The following CNTN5 variants were observed in gnomAD, a reference collection of about 807,000 sequenced individuals.
CNTN5 encodes the protein contactin-5.
In CNTN5, 77 loss-of-function variants were observed where a neutral mutation model predicts 129.1. The observed-to-expected ratio is 0.60, with a 90% confidence interval of 0.50 to 0.72. CNTN5 has a LOEUF of 0.72. Ranked by LOEUF, CNTN5 falls within the 30% of genes least tolerant of loss-of-function variation. The pLI, the probability that CNTN5 is intolerant of heterozygous loss-of-function variation, is 0.00. For missense variants in CNTN5, 1,478 were observed against 1,328.8 expected, an observed-to-expected ratio of 1.11 and a Z score of -1.75; for synonymous variants, 509 against 465.6, an observed-to-expected ratio of 1.09 and a Z score of -1.20.
At chr11:99,225,289 C>T (rs936278756) in intron 1 of CNTN5, among the ~76,000 whole-genome samples, 5 of 152,110 alleles carry the variant, frequency 3.3e-5, no homozygotes, top group South Asian at 4.1e-4. Context: ...AGCAACAGGG[C>T]GCTATAGGCC....
intron 1 of CNTN5, among the ~76,000 whole-genome samples, chr11:99,085,710 T>C (rs1379731850): frequency 2.6e-5 from 4 of 152,196 alleles, no homozygotes; most frequent in Non-Finnish European, 4.4e-5. Flanking sequence ...TAATATTTAT[T>C]TTTAAATATT....
At chr11:99,696,130 A>G (rs1954260421) in intron 3 of CNTN5, among the ~76,000 whole-genome samples, 1 of 152,078 alleles carries the variant, frequency 6.6e-6, no homozygotes, top group Non-Finnish European at 1.5e-5. Context: ...AAGAGGGCTG[A>G]CCTGAATCCA....
chr11:99,394,314 G>T (rs1190635619), intron 2 of CNTN5, among the ~76,000 whole-genome samples: 1 of 151,472 alleles, frequency 6.6e-6, no homozygotes, highest in Non-Finnish European at 1.5e-5. Flanking sequence ...AATATAAAAT[G>T]ATTTTATTAT....
chr11:99,811,431 T>G (rs1946424693), intron 3 of CNTN5, among the ~76,000 whole-genome samples: 1 of 149,466 alleles, frequency 6.7e-6, no homozygotes, highest in Admixed American at 6.7e-5. Context: ...CTGCATATTC[T>G]AATCCATTAT....
intron 6 of CNTN5, among the ~76,000 whole-genome samples, chr11:99,909,649 A>G (rs1450576103): frequency 3.9e-5 from 6 of 152,188 alleles, no homozygotes; most frequent in Admixed American, 3.9e-4. Flanking sequence ...GTATGAGTTC[A>G]TGTCCTTTGT....
chr11:99,120,616 T>C (rs546401419), intron 1 of CNTN5: 1 of 152,312 alleles, frequency 6.6e-6, no homozygotes, highest in African/African-American at 2.4e-5. Context: ...ACAAATAAAA[T>C]ATAACACCCC....
chr11:99,434,690 G>C (rs1222232575), intron 2 of CNTN5, among the ~76,000 whole-genome samples: 1 of 152,100 alleles, frequency 6.6e-6, no homozygotes, highest in East Asian at 1.9e-4. Flanking sequence ...TAGCTGAAGA[G>C]ATAAAGTGAT....
In CNTN5 at chr11:99,513,745, A is replaced by T. The variant is rs553466460; in HGVS notation, c.-70-42400A>T. On this transcript the variant is annotated intron_variant, in intron 2 of 24. Coordinates refer to ENST00000524871, the MANE Select transcript of CNTN5 (RefSeq NM_014361.4). ...TTTAATGCTCAGAGAAAAAAAAAAG[A>T]TTCCTTTCAAAATATTACCATTCAC... Among the ~76,000 whole-genome samples, 174 of 149,444 alleles carry T rather than the reference A, an allele frequency of 1.2e-3. 1 individual carries two copies. The highest frequency in any genetic ancestry group is 3.6e-3 in the African/African-American group (145 of 40,570).
At chr11:99,220,431 G>A (rs1860341463) in intron 1 of CNTN5, among the ~76,000 whole-genome samples, 1 of 151,738 alleles carries the variant, frequency 6.6e-6, no homozygotes, top group African/African-American at 2.4e-5. Flanking sequence ...TATGAATTAC[G>A]ATGTAGGAAA....
intron 2 of CNTN5, among the ~76,000 whole-genome samples, chr11:99,438,593 C>A (rs894865290): frequency 6.6e-6 from 1 of 151,918 alleles, no homozygotes; most frequent in Non-Finnish European, 1.5e-5. Context: ...TAATTCATAT[C>A]ATTTATTTAA....
intron 9 of CNTN5, among the ~76,000 whole-genome samples, chr11:100,030,993 G>C (rs1320715323): frequency 6.6e-6 from 1 of 152,088 alleles, no homozygotes; most frequent in Non-Finnish European, 1.5e-5. Flanking sequence ...ATGTCATAGG[G>C]CTGGGTCTAG....
intron 3 of CNTN5, among the ~76,000 whole-genome samples, chr11:99,816,536 C>G (rs994127284): frequency 2.0e-5 from 3 of 152,142 alleles, no homozygotes; most frequent in Non-Finnish European, 4.4e-5. Context: ...CCTGATTTTT[C>G]ACTTTTCTTT....
intron 21 of CNTN5, among the ~76,000 whole-genome samples, chr11:100,324,286 G>A (rs932101387): frequency 6.6e-6 from 1 of 152,132 alleles, no homozygotes; most frequent in Non-Finnish European, 1.5e-5. Context: ...TACAGAAATA[G>A]CATTGATTAG....
At chr11:100,144,393 G>C (rs1464911372) in intron 13 of CNTN5, among the ~76,000 whole-genome samples, 1 of 151,862 alleles carries the variant, frequency 6.6e-6, no homozygotes, top group East Asian at 1.9e-4. Flanking sequence ...ACTTTTTGGA[G>C]TCCCAAGTGC....
chr11:99,195,987 C>T (rs1858882795), intron 1 of CNTN5, among the ~76,000 whole-genome samples: 2 of 151,858 alleles, frequency 1.3e-5, no homozygotes, highest in Non-Finnish European at 2.9e-5. Flanking sequence ...AGAAATTCTG[C>T]ATTACTAATG....
chr11:100,340,632 C>G lies in CNTN5; in HGVS notation c.2900C>G (p.Ala967Gly). ...GYGPPSSEVS[A>G]TTKKSPPSQA... ...GGGCCACCTAGCAGTGAAGTGAGTG[C>G]AACCACCAAGAAATCCCGTAAGTGA... Residue 967 changes from alanine (A) to glycine (G), a missense_variant, in exon 22 of 25, where the codon GCA (alanine) becomes GGA (glycine). Physicochemically the swap from Ala to Gly is moderately conservative, Grantham distance 60. Coordinates refer to ENST00000524871, the MANE Select transcript of CNTN5 (RefSeq NM_014361.4). 6.3e-7 allele frequency: 1 copy of G among 1,598,868 alleles called. No homozygotes were observed. The highest frequency in any genetic ancestry group is 1.1e-5 in the South Asian group (1 of 88,930).
intron 13 of CNTN5, among the ~76,000 whole-genome samples, chr11:100,074,786 C>CATAG (rs1209700639): frequency 6.6e-6 from 1 of 151,968 alleles, no homozygotes; most frequent in African/African-American, 2.4e-5. Flanking sequence ...TTTTTAGTGC[C>CATAG]ATAGGCAAAT....
At chr11:99,609,290 G>A (rs1166948939) in intron 3 of CNTN5, among the ~76,000 whole-genome samples, 2 of 152,130 alleles carry the variant, frequency 1.3e-5, no homozygotes, top group East Asian at 1.9e-4. Flanking sequence ...AAAGAGATAA[G>A]TGGCAAGCAA....
At chr11:99,491,129 G>T (rs941137597) in intron 2 of CNTN5, among the ~76,000 whole-genome samples, 2 of 152,082 alleles carry the variant, frequency 1.3e-5, no homozygotes, top group African/African-American at 4.8e-5. Flanking sequence ...TACTCCTTTA[G>T]TTTCCAAGCA....
Sources: allele counts gnomAD v4.1 joint callset (sites outside exome capture counted in the v4.1 genomes callset), GRCh38; gene constraint gnomAD v4.1.1; transcripts MANE v1.5; gene names NCBI Gene and HGNC (gene_info 2026-07-23, HGNC 2026-07-21).